Variants in LZTS3 observed in about 807,000 individuals in gnomAD.
The protein encoded by LZTS3 is leucine zipper tumor suppressor family member 3, also known as leucine zipper putative tumor suppressor 3.
LZTS3 carries 16 observed loss-of-function variants against 50.9 expected under a neutral mutation model. The ratio of observed to expected loss-of-function variants is 0.31; its 90% CI spans 0.21 to 0.48. The LOEUF is 0.48. LZTS3 is among the 20% of genes least tolerant of loss of function. The probability of loss-of-function intolerance (pLI) is 0.99; values close to 1 mark genes in which losing one functional copy is unlikely to be tolerated. For synonymous variants in LZTS3, 408 were observed against 410.6 expected, an observed-to-expected ratio of 0.99 and a Z score of 0.08; for missense variants, 816 against 931.0, an observed-to-expected ratio of 0.88 and a Z score of 1.61.
At position 3,164,504 on chromosome 20, in the gene LZTS3, T is replaced by C; in HGVS notation, c.1972A>G (p.Lys658Glu). 6.3e-7 allele frequency: 1 copy of C among 1,583,340 alleles called. No individual in the cohort carries two copies. Among genetic ancestry groups the C allele is most frequent in the South Asian group, 1.1e-5 (1 of 87,824 alleles). Residue 658 changes from lysine to glutamate, a missense_variant, in exon 5 of 5, where the codon AAG (lysine) becomes GAG (glutamate). Lys to Glu is a moderately conservative substitution (Grantham distance 56). Around this residue, in one of 3 missense-constraint regions of LZTS3, gnomAD observed 107 missense variants for 130.4 expected, o/e 0.82. Transcript: ENST00000337576. ...TCGAGGCGGGAGGGGGTCCAGGCCTTCTTCTCCTCGCCATGCTGGGGAGTG... is the reference window on the plus strand; with the variant it reads ...TCGAGGCGGGAGGGGGTCCAGGCCTCCTTCTCCTCGCCATGCTGGGGAGTG... ...TPTPQHGEEK[K>E]AWTPSRLERI...
chr20:3,169,522 TA>T (rs1443673600), intron 1 of LZTS3, among the ~76,000 whole-genome samples: 2 of 152,102 alleles, frequency 1.3e-5, no homozygotes, highest in Non-Finnish European at 2.9e-5. Context: ...GTTAACATGA[TA>T]GGGGGAGACT....
In LZTS3 at chr20:3,167,068, G is replaced by A; in HGVS notation, c.96C>T (p.Asp32=). The change falls in exon 3 of 5, where the codon GAC becomes GAT. Residue 32 remains aspartate (D), a synonymous_variant. Coordinates refer to ENST00000337576, the MANE Select transcript of LZTS3 (RefSeq NM_001365618.1). The part of the protein sequence containing the change: ...APRPSELGPP[D]PRLAMGSVGS... The stretch of plus-strand genomic sequence containing the variant: ...CCACGCTGCCCATGGCCAGGCGGGG[G>A]TCCGGGGGTCCAAGCTCGGAGGGCC... The A allele has an allele frequency of 1.3e-6, 2 of 1,554,196 alleles. No homozygotes were observed. The highest frequency in any genetic ancestry group is 1.7e-6 in the Non-Finnish European group (2 of 1,152,866).
intron 1 of LZTS3, among the ~76,000 whole-genome samples, chr20:3,168,765 A>G (rs766746847): frequency 2.6e-5 from 4 of 152,118 alleles, no homozygotes; most frequent in Admixed American, 6.5e-5. Flanking sequence ...GCCTTTTCCC[A>G]CTACACCCTG....
Position 3,165,051 on chromosome 20 carries a change from C to A in LZTS3, c.1425G>T (p.Ser475=). 1.3e-6 allele frequency: 2 copies of A among 1,578,042 alleles called. No homozygotes were observed. The highest frequency in any genetic ancestry group is 1.7e-6 in the Non-Finnish European group (2 of 1,163,152). ...GCGAAGCCCGGCCCTCCCGCAGCTGCGAGCGCAGTCCCACGATCTCACTCA... is the reference window on the plus strand; with the variant it reads ...GCGAAGCCCGGCCCTCCCGCAGCTGAGAGCGCAGTCCCACGATCTCACTCA... ...QKLSEIVGLR[S]QLREGRASLR... Residue 475 remains serine (S), a synonymous_variant, in exon 5 of 5, where the codon TCG becomes TCT. Coordinates refer to ENST00000337576, the MANE Select transcript of LZTS3 (RefSeq NM_001365618.1). This position sits in a 1 kb window ranked among gnomAD's most constrained non-coding sequence, Gnocchi z 5.0.
Position 3,164,745 on chromosome 20 carries a change from C to A in LZTS3, c.1731G>T (p.Val577=). Residue 577 remains valine (V), a synonymous_variant, in exon 5 of 5, where the codon GTG becomes GTT. Coordinates refer to ENST00000337576, the MANE Select transcript of LZTS3 (RefSeq NM_001365618.1). ...CCGCCAGCTCGGCCTGCAGCCGCCC[C>A]ACCTCCCGCCGCAGGGCCCGCGTCC... ...ESGTRALRRE[V]GRLQAELAAE... is the part of the protein sequence containing the mutation. The A allele has an allele frequency of 6.6e-7, 1 of 1,525,160 alleles. No homozygotes were observed. 94.5% of individuals were successfully genotyped at this position (1,525,160 alleles called of 1,614,324 possible). A position where few individuals can be genotyped will look rare whatever the true frequency, so the allele number is the denominator to read the frequency against.
Position 3,167,843 on chromosome 20 carries a change from C to G in LZTS3, c.-124G>C, listed in dbSNP as rs1043283168. ...GCCGACGGGTCCTCAAGCCTGGGAC[C>G]CTCCGAGGCCCGGTCTGCAGGGGCC... On this transcript the variant is annotated 5_prime_UTR_variant, in exon 2 of 5. Transcript: ENST00000337576. 3.0e-6 allele frequency: 3 copies of G among 985,282 alleles called. No individual in the cohort carries two copies. Among genetic ancestry groups the G allele is most frequent in the Admixed American group, 1.2e-4 (2 of 16,266 alleles). 61.0% of individuals were successfully genotyped at this position (985,282 alleles called of 1,614,324 possible). A position where few individuals can be genotyped will look rare whatever the true frequency, so the allele number is the denominator to read the frequency against.
In LZTS3 at chr20:3,163,191, C is replaced by T. The variant is rs1312479168; in HGVS notation, c.*1263G>A. 6.6e-6 allele frequency: 1 copy of T among 152,620 alleles called. No homozygotes were observed. The highest frequency in any genetic ancestry group is 6.5e-5 in the Admixed American group (1 of 15,272). The allele number at this position is 152,620 out of a possible 1,614,324, so 9.5% of individuals were successfully genotyped here. A position where few individuals can be genotyped will look rare whatever the true frequency, so the allele number is the denominator to read the frequency against. ...TGGTGAATTAGAAATTTGCTTTTCC[C>T]TTCCTGTCTTGGGGAGATAGACTCT... On this transcript the variant is annotated 3_prime_UTR_variant, in exon 5 of 5. Coordinates refer to ENST00000337576, the MANE Select transcript of LZTS3 (RefSeq NM_001365618.1). The surrounding 1 kb of genome is among the most constrained non-coding windows in gnomAD (Gnocchi z 5.2).
intron 1 of LZTS3, among the ~76,000 whole-genome samples, chr20:3,173,155 G>T (rs1057474886): frequency 5.3e-5 from 8 of 152,144 alleles, no homozygotes; most frequent in Admixed American, 3.9e-4. Context: ...TGCGATGGGG[G>T]AAACCCCGCC....
rs2066828491 is a variant in LZTS3, at chr20:3,166,726, G to C, written c.438C>G (p.Ala146=). The part of the protein sequence containing the change: ...REPSHPPKLL[A]TSGKLDQCSE... ...TGACCTGGTCTAGCTTGCCAGAGGT[G>C]GCCAGGAGCTTGGGTGGGTGGCTGG... is the stretch of plus-strand genomic sequence containing the variant. The change falls in exon 3 of 5, where the codon GCC becomes GCG. Residue 146 remains alanine (A), a synonymous_variant. Coordinates refer to ENST00000337576, the MANE Select transcript of LZTS3 (RefSeq NM_001365618.1). The C allele has an allele frequency of 6.2e-7, 1 of 1,613,584 alleles. No homozygotes were observed. Among genetic ancestry groups the C allele is most frequent in the Non-Finnish European group, 8.5e-7 (1 of 1,179,820 alleles).
intron 3 of LZTS3, 45 bp from the exon 4 acceptor site, chr20:3,166,405 G>A (rs754830186): frequency 1.3e-6 from 2 of 1,548,098 alleles, no homozygotes; most frequent in East Asian, 4.5e-5. Context: ...ATGAGGCCTT[G>A]GGCTTGGCCC....
chr20:3,167,110 G>A lies in LZTS3; in HGVS notation c.54C>T (p.Leu18=), dbSNP rs750804972. The change falls in exon 3 of 5, where the codon CTC becomes CTT. Residue 18 remains leucine, a synonymous_variant. Transcript: ENST00000337576. ...CGGAGGGCCGTGGGGCAAAGGCCAGGAGAGGATCCCGCCCTGGGTCAGCGC... is the reference window on the plus strand; with the variant it reads ...CGGAGGGCCGTGGGGCAAAGGCCAGAAGAGGATCCCGCCCTGGGTCAGCGC... ...PVRADPGRDP[L]LAFAPRPSEL... 9.2e-6 allele frequency: 14 copies of A among 1,525,630 alleles called. No individual in the cohort carries two copies. Among genetic ancestry groups the A allele is most frequent in the Non-Finnish European group, 1.2e-5 (14 of 1,139,322 alleles). The allele number at this position is 1,525,630 out of a possible 1,614,324, so 94.5% of individuals were successfully genotyped here.
rs1219443519 is a variant in LZTS3, at chr20:3,167,179, G to A, written c.-16C>T. The A allele has an allele frequency of 2.1e-5, 31 of 1,454,262 alleles. No homozygotes were observed. Among genetic ancestry groups the A allele is most frequent in the Non-Finnish European group, 2.8e-5 (31 of 1,108,394 alleles). 90.1% of individuals were successfully genotyped at this position (1,454,262 alleles called of 1,614,324 possible). ...GCTTCGCCATGACTAAGCCAGGGGG[G>A]CACTGTGGGCACAGGTGGGAAGGCA... On this transcript the variant is annotated splice_region_variant and 5_prime_UTR_variant, in exon 3 of 5. Transcript: ENST00000337576.
In LZTS3 at chr20:3,166,349, T is replaced by A. The variant is rs747034278; in HGVS notation, c.471A>T (p.Pro157=). The change falls in exon 4 of 5, where the codon CCA becomes CCT. Residue 157 remains proline (P), a synonymous_variant. Coordinates refer to ENST00000337576, the MANE Select transcript of LZTS3 (RefSeq NM_001365618.1). ...TSGKLDQCSE[P]LVRPSAFKPV... is the part of the protein sequence containing the mutation. ...GCTTGAAGGCCGACGGCCGAACTAG[T>A]GGTTCTGAGCACTGCAGGAAACGCA... 6.2e-7 allele frequency: 1 copy of A among 1,608,796 alleles called. No homozygotes were observed. The highest frequency in any genetic ancestry group is 8.5e-7 in the Non-Finnish European group (1 of 1,177,302).
intron 1 of LZTS3, among the ~76,000 whole-genome samples, chr20:3,173,053 T>C (rs1253807107): frequency 7.4e-6 from 1 of 135,466 alleles, no homozygotes; most frequent in Admixed American, 7.2e-5. Flanking sequence ...CTGCTGGGGG[T>C]GGGAGGGGGG....
rs913350586 is a variant in LZTS3, at chr20:3,167,885, C to T, written c.-166G>A. ...GCAGGGGCCATGTGCCTCACTCTCG[C>T]AGTCGGGGCTCGGCCCGAACCAGCT... On this transcript the variant is annotated 5_prime_UTR_variant, in exon 2 of 5. Coordinates refer to ENST00000337576, the MANE Select transcript of LZTS3 (RefSeq NM_001365618.1). The T allele has an allele frequency of 2.0e-6, 2 of 985,004 alleles. No individual in the cohort carries two copies. The highest frequency in any genetic ancestry group is 2.4e-6 in the Non-Finnish European group (2 of 829,640). The allele number at this position is 985,004 out of a possible 1,614,324, so 61.0% of individuals were successfully genotyped here. A position where few individuals can be genotyped will look rare whatever the true frequency, so the allele number is the denominator to read the frequency against.
intron 1 of LZTS3, among the ~76,000 whole-genome samples, chr20:3,171,834 G>A (rs2066906661): frequency 6.6e-6 from 1 of 152,158 alleles, no homozygotes; most frequent in Non-Finnish European, 1.5e-5. Context: ...ACCCTGAGAT[G>A]ACAGCCTGTT....
intron 1 of LZTS3, among the ~76,000 whole-genome samples, chr20:3,173,235 T>A (rs948962087): frequency 1.3e-5 from 2 of 151,746 alleles, no homozygotes; most frequent in Non-Finnish European, 2.9e-5. Flanking sequence ...AGAGGTGACA[T>A]AATCCGAGCC....
chr20:3,172,522 G>T (rs2066912582), intron 1 of LZTS3, among the ~76,000 whole-genome samples: 1 of 152,060 alleles, frequency 6.6e-6, no homozygotes, highest in Admixed American at 6.5e-5. Context: ...CATGCTTCTA[G>T]ACCAGTTCAA....
At chr20:3,168,838 G>T (rs573363616) in intron 1 of LZTS3, among the ~76,000 whole-genome samples, 1 of 152,166 alleles carries the variant, frequency 6.6e-6, no homozygotes, top group Non-Finnish European at 1.5e-5. Flanking sequence ...GCACCCTATG[G>T]CCCCACAGAC....
Sources: gnomAD v4.1 joint callset for allele counts (sites outside exome capture counted in the v4.1 genomes callset) on GRCh38, gnomAD v4.1.1 for gene constraint, gnomAD v4.1.1 regional missense constraint, Gnocchi (gnomAD v3.1) non-coding constraint, MANE v1.5 for transcripts, NCBI Gene and HGNC (gene_info 2026-07-23, HGNC 2026-07-21) for gene names.